TMEM114: variants seen among roughly 807,000 people sequenced by gnomAD.
The protein encoded by TMEM114 is transmembrane protein 114, also known as claudin-26.
TMEM114 carries 6 observed loss-of-function variants against 6.2 expected under a neutral mutation model. That is an observed-to-expected ratio of 0.97 (90% CI 0.53 to 1.91). The LOEUF (loss-of-function observed/expected upper bound fraction) is 1.91, where lower values mean the gene tolerates loss of function less well. Ranked by LOEUF, TMEM114 falls within the 40% of genes most tolerant of loss-of-function variation. TMEM114 has a pLI of 0.01. For missense variants in TMEM114, 218 were observed against 158.3 expected, an observed-to-expected ratio of 1.38 and a Z score of -2.02; for synonymous variants, 104 against 73.0, an observed-to-expected ratio of 1.42 and a Z score of -2.16.
downstream of TMEM114, among the ~76,000 whole-genome samples, chr16:8,567,713 A>C (rs908010345): frequency 6.6e-6 from 1 of 152,204 alleles, no homozygotes; most frequent in South Asian, 2.1e-4. Context: ...CTGGCCCTGC[A>C]GTATTTAATC....
Position 8,560,189 on chromosome 16 carries a change from G to T in TMEM114, n.213-22363C>A, listed in dbSNP as rs571762658. On this transcript the variant is annotated intron_variant and non_coding_transcript_variant, in intron 2 of 2. Transcript: ENST00000623677. The stretch of plus-strand genomic sequence containing the variant: ...TATTATTTTTTTTTTGTAGAGATGG[G>T]GTCTTGCTATGTTGCTTAGGCTGGG... 5.9e-5 allele frequency among the ~76,000 whole-genome samples: 9 copies of T among 151,902 alleles called. No homozygotes were observed. The East Asian group carries it at 1.7e-3, about 29-fold the overall frequency.
intron 2 of TMEM114, among the ~76,000 whole-genome samples, chr16:8,575,917 C>T (rs973039469): frequency 6.6e-6 from 1 of 152,178 alleles, no homozygotes; most frequent in Non-Finnish European, 1.5e-5. Context: ...AGACCTGATT[C>T]CCATTCATCA....
In TMEM114 at chr16:8,590,154, C is replaced by T. The variant is rs1274238400; in HGVS notation, c.-316G>A. ...CCTCCACCTCCGCCTTCAGACCCTC[C>T]TGGAAGCTCTAGTCCTTCCCCACCA... On this transcript the variant is annotated 5_prime_UTR_variant, in exon 1 of 4. Transcript: ENST00000620492. 3.5e-6 allele frequency: 1 copy of T among 287,522 alleles called. No homozygotes were observed. Among genetic ancestry groups the T allele is most frequent in the East Asian group, 5.8e-5 (1 of 17,282 alleles). The allele number at this position is 287,522 out of a possible 1,614,324, so 17.8% of individuals were successfully genotyped here.
chr16:8,535,125 G>A (rs1431563510), downstream of TMEM114, among the ~76,000 whole-genome samples: 1 of 152,176 alleles, frequency 6.6e-6, no homozygotes, highest in East Asian at 1.9e-4. Context: ...CCTAGTCTCT[G>A]AGTCTCTGTG....
At chr16:8,573,036 A>T (rs1215275460) in intron 2 of TMEM114, among the ~76,000 whole-genome samples, 1 of 152,220 alleles carries the variant, frequency 6.6e-6, no homozygotes, top group Non-Finnish European at 1.5e-5. Context: ...ATTTGTCACC[A>T]CAAGGAGGAG....
intron 2 of TMEM114, among the ~76,000 whole-genome samples, chr16:8,562,669 T>C (rs1017071616): frequency 3.4e-5 from 5 of 148,758 alleles, no homozygotes; most frequent in African/African-American, 1.3e-4. Flanking sequence ...AATGAATTAG[T>C]GAGGGAATGA....
At chr16:8,529,544 T>C in the TMEM114 span, among the ~76,000 whole-genome samples, 90,395 of 151,872 alleles carry the variant, frequency 0.6, 26,986 homozygotes, top group African/African-American at 0.63. Flanking sequence ...GTTGTTTGTT[T>C]AAATGCTGAT....
At chr16:8,562,172 G>GTGAGTTAGTGAATGAC (rs1901254370) in intron 2 of TMEM114, among the ~76,000 whole-genome samples, 1 of 150,820 alleles carries the variant, frequency 6.6e-6, no homozygotes, top group Non-Finnish European at 1.5e-5. Context: ...TAGTGAATGA[G>GTGAGTTAGTGAATGAC]TGAATGAGTC....
chr16:8,537,303 C>T (rs1900389254), downstream of TMEM114, among the ~76,000 whole-genome samples: 1 of 152,110 alleles, frequency 6.6e-6, no homozygotes, highest in South Asian at 2.1e-4. Flanking sequence ...GAAGTCAAGA[C>T]CAGCCTGGCC....
chr16:8,563,321 G>A (rs1006470382), intron 2 of TMEM114, among the ~76,000 whole-genome samples: 1 of 137,358 alleles, frequency 7.3e-6, no homozygotes, highest in Non-Finnish European at 1.6e-5. Flanking sequence ...GAGGGAGGGA[G>A]GGTATGAGTG....
chr16:8,580,793 G>T (rs371944055), intron 2 of TMEM114, among the ~76,000 whole-genome samples: 33 of 152,186 alleles, frequency 2.2e-4, no homozygotes, highest in African/African-American at 7.5e-4. Context: ...CCAGGCTCAA[G>T]CAACCCCCGA....
Position 8,558,602 on chromosome 16 carries a change from T to C in TMEM114, n.213-20776A>G, listed in dbSNP as rs553140599. ...GTGAAGTTACAATTTCAACATGATC[T>C]TTTTGGGGCACATGCTTGAACCTCC... is the stretch of plus-strand genomic sequence containing the variant. On this transcript the variant is annotated intron_variant and non_coding_transcript_variant, in intron 2 of 2. Transcript: ENST00000623677. Among the ~76,000 whole-genome samples the C allele has an allele frequency of 8.2e-4, 125 of 152,274 alleles. 1 individual carries two copies. Among genetic ancestry groups the C allele is most frequent in the African/African-American group, 2.8e-3 (118 of 41,566 alleles).
chr16:8,585,022 G>C (rs573493521), intron 2 of TMEM114, among the ~76,000 whole-genome samples: 1 of 152,024 alleles, frequency 6.6e-6, no homozygotes, highest in African/African-American at 2.4e-5. Flanking sequence ...AGGTTTAATG[G>C]ACTCACAGTT....
intron 2 of TMEM114, among the ~76,000 whole-genome samples, chr16:8,557,574 C>A (rs1901055197): frequency 6.6e-6 from 1 of 152,324 alleles, no homozygotes; most frequent in South Asian, 2.1e-4. Context: ...GCCACTACAT[C>A]TTGGGTAATT....
downstream of TMEM114, among the ~76,000 whole-genome samples, chr16:8,564,564 A>G (rs1476455503): frequency 1.4e-5 from 2 of 147,808 alleles, 1 homozygote; most frequent in Non-Finnish European, 3.0e-5. Context: ...TGAGTGAGTG[A>G]GTGAATGAGT....
downstream of TMEM114, among the ~76,000 whole-genome samples, chr16:8,534,098 A>G (rs1379871927): frequency 2.0e-5 from 3 of 152,206 alleles, no homozygotes; most frequent in African/African-American, 4.8e-5. Context: ...CATGAGAGCA[A>G]GTCATTCATC....
chr16:8,565,511 G>A (rs1901511159), downstream of TMEM114, among the ~76,000 whole-genome samples: 1 of 152,102 alleles, frequency 6.6e-6, no homozygotes, highest in Non-Finnish European at 1.5e-5. Context: ...AGGGACACGC[G>A]CCGTAGTCCC....
At chr16:8,566,561 G>C (rs775952019), downstream of TMEM114, among the ~76,000 whole-genome samples, 1 of 152,148 alleles carries the variant, frequency 6.6e-6, no homozygotes, top group African/African-American at 2.4e-5. Flanking sequence ...GGATAGAACA[G>C]AACAGAACAG....
intron 2 of TMEM114, among the ~76,000 whole-genome samples, chr16:8,561,981 T>C (rs1409276856): frequency 6.6e-6 from 1 of 150,724 alleles, no homozygotes; most frequent in Non-Finnish European, 1.5e-5. Context: ...AGTGAGTGAA[T>C]GAGTGAGTAT....
Sources: allele counts gnomAD v4.1 joint callset (sites outside exome capture counted in the v4.1 genomes callset), GRCh38; gene constraint gnomAD v4.1.1; transcripts MANE v1.5; gene names NCBI Gene and HGNC (gene_info 2026-07-23, HGNC 2026-07-21).